Variants in TLK2 observed in about 807,000 individuals in gnomAD.
TLK2 encodes tousled like kinase 2, also known as serine/threonine-protein kinase tousled-like 2.
TLK2 carries 6 observed loss-of-function variants against 117.3 expected under a neutral mutation model. The ratio of observed to expected loss-of-function variants is 0.05; its 90% confidence interval spans 0.03 to 0.10. The LOEUF (loss-of-function observed/expected upper bound fraction) is 0.10. Ranked by LOEUF, TLK2 falls within the 10% of genes least tolerant of loss-of-function variation. The pLI, the probability that TLK2 is intolerant of heterozygous loss-of-function variation, is 1.00. For missense variants in TLK2, 299 were observed against 901.2 expected (o/e 0.33, Z 8.56); for synonymous variants, 257 against 316.7 (o/e 0.81, Z 2.00).
At chr17:62,478,349 G>A (rs550455168), upstream of TLK2, among the ~76,000 whole-genome samples, 28 of 151,482 alleles carry the variant, frequency 1.8e-4, no homozygotes, top group Admixed American at 9.8e-4. Flanking sequence ...GGGCGCGGGG[G>A]CCGGCGAGGC....
At chr17:62,595,470 C>G (rs1269268197) in intron 16 of TLK2, among the ~76,000 whole-genome samples, 3 of 151,926 alleles carry the variant, frequency 2.0e-5, no homozygotes, top group African/African-American at 7.3e-5. Flanking sequence ...TTGTTTACAC[C>G]AGCATCACCA....
chr17:62,523,085 G>A (rs1598371536), intron 4 of TLK2, 49 bp from the exon 5 acceptor site: 2 of 1,537,280 alleles, frequency 1.3e-6, no homozygotes, highest in Non-Finnish European at 1.8e-6. Context: ...GTGAATGATG[G>A]TTTATATGTG....
In TLK2 at chr17:62,604,938, G is replaced by T. The variant is rs567046835; in HGVS notation, c.1860-1192G>T. On this transcript the variant is annotated intron_variant, in intron 19 of 21. Transcript: ENST00000346027. Reference sequence around the variant, plus strand: ...AGTTCAACAACTCCTATTCTTTCCTGCCACTGCCATAAAAAAGTCACAAAT... The same window carrying T: ...AGTTCAACAACTCCTATTCTTTCCTTCCACTGCCATAAAAAAGTCACAAAT... 1.4e-4 allele frequency among the ~76,000 whole-genome samples: 22 copies of T among 151,844 alleles called. No homozygotes were observed. In the South Asian group the frequency reaches 4.6e-3, roughly 32 times the overall value.
chr17:62,519,294 G>A (rs1460699959), intron 2 of TLK2, among the ~76,000 whole-genome samples: 6 of 152,122 alleles, frequency 3.9e-5, no homozygotes, highest in South Asian at 2.1e-4. Context: ...TCTTTCCCTC[G>A]TTGAATTGTG....
intron 16 of TLK2, among the ~76,000 whole-genome samples, chr17:62,591,495 G>GGAGCCACA: frequency 6.6e-6 from 1 of 152,272 alleles, no homozygotes; most frequent in East Asian, 1.9e-4. Flanking sequence ...TCAGAGAGGT[G>GGAGCCACA]GAGCCACAGA....
At chr17:62,482,488 C>T (rs1478791084) in intron 2 of TLK2, among the ~76,000 whole-genome samples, 1 of 147,450 alleles carries the variant, frequency 6.8e-6, no homozygotes, top group Non-Finnish European at 1.5e-5. Context: ...CTTGCTCTGT[C>T]ACCCAGGCTG....
intron 2 of TLK2, among the ~76,000 whole-genome samples, chr17:62,493,675 A>T (rs2073346309): frequency 6.6e-6 from 1 of 152,246 alleles, no homozygotes; most frequent in South Asian, 2.1e-4. Context: ...TAGTAATGAC[A>T]GTCAAATTGC....
intron 6 of TLK2, among the ~76,000 whole-genome samples, chr17:62,527,360 G>A (rs12451556): frequency 1.4e-4 from 22 of 151,904 alleles, no homozygotes; most frequent in African/African-American, 4.6e-4. Flanking sequence ...ATATTTATAC[G>A]TACAGAAGAG....
rs138915649 is a variant in TLK2 at position 62,533,911 on chromosome 17, T to G, written c.364-2259T>G. On this transcript the variant is annotated intron_variant, in intron 6 of 21. Coordinates refer to ENST00000346027, the MANE Select transcript of TLK2 (RefSeq NM_006852.6). ...AGGAATCTTCTTTTCCCTTTTTTTCTAATATCTGCACAAACGTCCTACCAT... is the reference window on the plus strand; with the variant it reads ...AGGAATCTTCTTTTCCCTTTTTTTCGAATATCTGCACAAACGTCCTACCAT... Among the ~76,000 whole-genome samples the G allele has an allele frequency of 2.2e-3, 341 of 152,340 alleles. 1 individual carries two copies. The highest frequency in any genetic ancestry group is 7.8e-3 in the African/African-American group (324 of 41,582).
At chr17:62,593,387 AT>A (rs1181595610) in intron 16 of TLK2, among the ~76,000 whole-genome samples, 8 of 152,090 alleles carry the variant, frequency 5.3e-5, no homozygotes, top group Non-Finnish European at 1.2e-4. Flanking sequence ...TTACTGTAAC[AT>A]TTTTGCTGTA....
At chr17:62,587,266 A>G (rs542354229) in intron 16 of TLK2, among the ~76,000 whole-genome samples, 2 of 152,128 alleles carry the variant, frequency 1.3e-5, no homozygotes, top group South Asian at 2.1e-4. Context: ...TTAATTTGCT[A>G]TTAGGTTCCC....
At chr17:62,575,173 A>G (rs530044537) in intron 12 of TLK2, among the ~76,000 whole-genome samples, 113 of 152,314 alleles carry the variant, frequency 7.4e-4, no homozygotes, top group African/African-American at 2.4e-3. Context: ...TGTGTAAGCA[A>G]TTGCTATCTG....
chr17:62,555,913 A>G (rs1040692084), intron 9 of TLK2, among the ~76,000 whole-genome samples: 5 of 152,164 alleles, frequency 3.3e-5, no homozygotes, highest in Non-Finnish European at 5.9e-5. Context: ...TGGCCTCCCA[A>G]GTAGTTGGGA....
At chr17:62,587,144 A>G (rs1459169743) in intron 16 of TLK2, among the ~76,000 whole-genome samples, 3 of 152,038 alleles carry the variant, frequency 2.0e-5, no homozygotes, top group Admixed American at 1.3e-4. Flanking sequence ...AATTGTTACA[A>G]TATGCACAGC....
At chr17:62,603,927 AT>A (rs1291548992) in intron 19 of TLK2, among the ~76,000 whole-genome samples, 1 of 152,086 alleles carries the variant, frequency 6.6e-6, no homozygotes, top group South Asian at 2.1e-4. Flanking sequence ...ATAAGTAACT[AT>A]TTGCAGTATT....
intron 6 of TLK2, among the ~76,000 whole-genome samples, chr17:62,527,470 T>A (rs1487195890): frequency 6.6e-6 from 1 of 151,982 alleles, no homozygotes; most frequent in Non-Finnish European, 1.5e-5. Context: ...TCCCTTTCAG[T>A]TACTAACCCC....
intron 2 of TLK2, among the ~76,000 whole-genome samples, chr17:62,518,072 G>A (rs543658358): frequency 1.3e-5 from 2 of 152,240 alleles, no homozygotes; most frequent in African/African-American, 4.8e-5. Flanking sequence ...GTCCGTTTGG[G>A]GTTTTAGCCC....
At chr17:62,514,837 C>T (rs767868783) in intron 2 of TLK2, among the ~76,000 whole-genome samples, 3 of 152,228 alleles carry the variant, frequency 2.0e-5, no homozygotes, top group Non-Finnish European at 2.9e-5. Context: ...CCTCAGCCTC[C>T]CAAAGTGCTG....
upstream of TLK2, chr17:62,477,359 C>T (rs1274867999): frequency 6.6e-6 from 1 of 152,194 alleles, no homozygotes; most frequent in Non-Finnish European, 1.5e-5. Context: ...TGTCCAACTT[C>T]CCAAGCAGTC....
Sources: allele counts gnomAD v4.1 joint callset (sites outside exome capture counted in the v4.1 genomes callset), GRCh38; gene constraint gnomAD v4.1.1; transcripts MANE v1.5; gene names NCBI Gene and HGNC (gene_info 2026-07-23, HGNC 2026-07-21).